The following TBCA variants were observed in gnomAD, a reference collection of about 807,000 sequenced individuals.
The protein encoded by TBCA is tubulin-specific chaperone A.
Under a neutral mutation model 15.8 loss-of-function variants are expected in TBCA, and 6 were observed. The observed-to-expected ratio is 0.38, with a 90% CI of 0.21 to 0.75. The LOEUF (loss-of-function observed/expected upper bound fraction) is 0.75, where lower values mean the gene tolerates loss of function less well. Among genes scored for constraint, TBCA ranks in the 30% least tolerant of loss-of-function variants. TBCA has a pLI of 0.46. For synonymous variants in TBCA, 32 were observed against 42.3 expected (o/e 0.76, Z 0.94); for missense variants, 90 against 131.2 (o/e 0.69, Z 1.53).
chr5:77,766,952 T>C (rs1747792574), intron 1 of TBCA, among the ~76,000 whole-genome samples: 1 of 152,204 alleles, frequency 6.6e-6, no homozygotes, highest in Non-Finnish European at 1.5e-5. Context: ...AGCAATGATA[T>C]ATCAGACACC....
chr5:77,724,415 CATAAG>C (rs571757411), intron 1 of TBCA, among the ~76,000 whole-genome samples: 114 of 152,118 alleles, frequency 7.5e-4, no homozygotes, highest in Middle Eastern at 3.4e-3. Flanking sequence ...TTTTACACAA[CATAAG>C]ATGAGTCCAG....
chr5:77,715,317 A>G (rs144515300), intron 1 of TBCA: 10 of 701,454 alleles, frequency 1.4e-5, no homozygotes, highest in Non-Finnish European at 2.3e-5. Flanking sequence ...CATAATCCCT[A>G]ACAAAGGAAA....
At chr5:77,725,223 G>A (rs1169738089) in intron 1 of TBCA, among the ~76,000 whole-genome samples, 2 of 152,168 alleles carry the variant, frequency 1.3e-5, no homozygotes, top group South Asian at 2.1e-4. Context: ...GCTGCGAACC[G>A]TAGCGGTTCA....
chr5:77,702,836 G>T (rs1163474231), intron 2 of TBCA, among the ~76,000 whole-genome samples: 1 of 152,172 alleles, frequency 6.6e-6, no homozygotes, highest in Non-Finnish European at 1.5e-5. Context: ...CTATAAGCCT[G>T]CATATAGGTA....
chr5:77,757,537 C>T (rs1747503384), intron 1 of TBCA, among the ~76,000 whole-genome samples: 1 of 152,160 alleles, frequency 6.6e-6, no homozygotes, highest in Non-Finnish European at 1.5e-5. Context: ...AACTTTAGAT[C>T]TCAACCAAAT....
In TBCA at chr5:77,716,073, C is replaced by A. The variant is rs146381694; in HGVS notation, c.54-7726G>T. On this transcript the variant is annotated intron_variant, in intron 1 of 3. Transcript: ENST00000380377. ...TGTATTGCATTTAATACTTTTGATC[C>A]TATTTAAGTAGTATTATCTCTATTT... is the stretch of plus-strand genomic sequence containing the variant. 2.2e-3 allele frequency among the ~76,000 whole-genome samples: 332 copies of A among 152,216 alleles called. 1 individual carries two copies. Among genetic ancestry groups the A allele is most frequent in the African/African-American group, 7.6e-3 (317 of 41,502 alleles).
intron 3 of TBCA, chr5:77,691,851 T>C: frequency 2.0e-6 from 2 of 1,002,526 alleles, no homozygotes; most frequent in Non-Finnish European, 2.4e-6. Context: ...AAAAGGAAGA[T>C]TTACTAACAT....
intron 1 of TBCA, among the ~76,000 whole-genome samples, chr5:77,772,320 A>T (rs1435800350): frequency 6.6e-6 from 1 of 152,146 alleles, no homozygotes; most frequent in African/African-American, 2.4e-5. Flanking sequence ...TCTATTTTTT[A>T]CTTTGCTGAG....
intron 2 of TBCA, among the ~76,000 whole-genome samples, chr5:77,703,399 TG>T (rs903469659): frequency 6.6e-6 from 1 of 151,988 alleles, no homozygotes; most frequent in Non-Finnish European, 1.5e-5. Flanking sequence ...CAACCCTAAT[TG>T]GTGGAGAAGA....
intron 1 of TBCA, among the ~76,000 whole-genome samples, chr5:77,744,394 C>T (rs1394012833): frequency 6.6e-6 from 1 of 151,910 alleles, no homozygotes; most frequent in South Asian, 2.1e-4. Context: ...AAAGTATTAG[C>T]CCAAAATATC....
At chr5:77,736,091 T>C (rs1746896377) in intron 1 of TBCA, among the ~76,000 whole-genome samples, 1 of 152,054 alleles carries the variant, frequency 6.6e-6, no homozygotes, top group African/African-American at 2.4e-5. Context: ...TCCCAGCACT[T>C]TGGGAGGCTG....
rs1747306002 is a variant in TBCA at position 77,750,767 on chromosome 5, A to G, written c.53+25438T>C. 2.0e-5 allele frequency among the ~76,000 whole-genome samples: 3 copies of G among 152,306 alleles called. No individual in the cohort carries two copies. In the South Asian group the frequency reaches 6.2e-4, roughly 32 times the overall value. On this transcript the variant is annotated intron_variant, in intron 1 of 3. Transcript: ENST00000380377. ...GTGAAACAGACTTCAGGAGGTCCTG[A>G]GGCCAGGTGGTCCGGGTACAGCTTG... is the stretch of plus-strand genomic sequence containing the variant.
chr5:77,761,587 A>T (rs914216204), intron 1 of TBCA, among the ~76,000 whole-genome samples: 1 of 151,676 alleles, frequency 6.6e-6, no homozygotes, highest in East Asian at 1.9e-4. Flanking sequence ...TTATCCTATG[A>T]CCCTGCCACA....
At chr5:77,703,355 A>G (rs1746068403) in intron 2 of TBCA, among the ~76,000 whole-genome samples, 1 of 152,186 alleles carries the variant, frequency 6.6e-6, no homozygotes, top group African/African-American at 2.4e-5. Context: ...CAAACCAGAA[A>G]GCTTTACCAA....
At chr5:77,743,624 G>A (rs571209881) in intron 1 of TBCA, among the ~76,000 whole-genome samples, 7 of 152,282 alleles carry the variant, frequency 4.6e-5, no homozygotes, top group Non-Finnish European at 8.8e-5. Flanking sequence ...TATCCCTGCC[G>A]CACCCAGTCT....
At chr5:77,725,546 T>C (rs978161767) in intron 1 of TBCA, among the ~76,000 whole-genome samples, 6 of 152,226 alleles carry the variant, frequency 3.9e-5, no homozygotes, top group African/African-American at 1.2e-4. Flanking sequence ...TTCTCGCTAA[T>C]AGTCTTTTCC....
chr5:77,752,249 C>T (rs1747363869), intron 1 of TBCA, among the ~76,000 whole-genome samples: 1 of 152,210 alleles, frequency 6.6e-6, no homozygotes, highest in African/African-American at 2.4e-5. Flanking sequence ...TTAATAGTTA[C>T]TTGGTTTTAC....
chr5:77,763,264 A>T lies in TBCA; in HGVS notation c.53+12941T>A, dbSNP rs563311729. On this transcript the variant is annotated intron_variant, in intron 1 of 3. Transcript: ENST00000380377. The stretch of plus-strand genomic sequence containing the variant: ...GTCTCAAAAAAAATAAATAAATAAA[A>T]TAAATAAATAAATAAAAAGACAAGC... Among the ~76,000 whole-genome samples, 197 of 152,138 alleles carry T rather than the reference A, an allele frequency of 1.3e-3. 1 individual carries two copies. Among genetic ancestry groups the T allele is most frequent in the Admixed American group, 4.5e-3 (69 of 15,292 alleles).
intron 1 of TBCA, among the ~76,000 whole-genome samples, chr5:77,741,273 A>C (rs1436817438): frequency 6.6e-6 from 1 of 152,224 alleles, no homozygotes; most frequent in Non-Finnish European, 1.5e-5. Flanking sequence ...GTAAGATAAA[A>C]GTGACTTCAC....
Sources: allele counts gnomAD v4.1 joint callset (sites outside exome capture counted in the v4.1 genomes callset), GRCh38; gene constraint gnomAD v4.1.1; transcripts MANE v1.5; gene names NCBI Gene and HGNC (gene_info 2026-07-23, HGNC 2026-07-21).